RBM25: variants seen among roughly 807,000 people sequenced by gnomAD.
The protein encoded by RBM25 is RNA-binding protein 25.
A neutral mutation model predicts 120.7 loss-of-function variants in RBM25; 19 were observed. The observed-to-expected ratio is 0.16, with a 90% CI of 0.11 to 0.23. The LOEUF is 0.23. RBM25 is among the 10% of genes least tolerant of loss of function. The pLI, the probability that RBM25 is intolerant of heterozygous loss-of-function variation, is 1.00. For synonymous variants in RBM25, 390 were observed against 326.7 expected (o/e 1.19, Z -2.09); for missense variants, 605 against 1,041.5 (o/e 0.58, Z 5.77).
intron 2 of RBM25, among the ~76,000 whole-genome samples, chr14:73,075,784 C>T (rs542619327): frequency 1.7e-4 from 25 of 151,352 alleles, no homozygotes; most frequent in African/African-American, 6.0e-4. Context: ...TGTTGCACGA[C>T]GTGTTTTACC....
chr14:73,070,441 T>C (rs1026451022), intron 1 of RBM25, among the ~76,000 whole-genome samples: 2 of 828 alleles, frequency 2.4e-3, no homozygotes, highest in African/African-American at 3.3e-3. Flanking sequence ...ACTTTTAAGT[T>C]TAAAAAAAAA....
chr14:73,092,621 G>T (rs928836934), intron 6 of RBM25, among the ~76,000 whole-genome samples: 5 of 147,376 alleles, frequency 3.4e-5, no homozygotes, highest in Non-Finnish European at 5.9e-5. Flanking sequence ...TGTTCACCAC[G>T]TGCAGGTTTG....
intron 6 of RBM25, among the ~76,000 whole-genome samples, chr14:73,094,263 G>T (rs1163273549): frequency 1.3e-5 from 2 of 150,764 alleles, no homozygotes; most frequent in African/African-American, 2.4e-5. Flanking sequence ...TAGGTTTTTT[G>T]TTGTTGTTGT....
intron 2 of RBM25, 102 bp downstream of exon 2, chr14:73,071,849 G>A: frequency 1.1e-6 from 1 of 886,158 alleles, no homozygotes; most frequent in Non-Finnish European, 1.8e-6. Flanking sequence ...TAGTGAAGAT[G>A]CCTCTCAGCG....
intron 1 of RBM25, among the ~76,000 whole-genome samples, chr14:73,059,635 G>A (rs1894952759): frequency 6.6e-6 from 1 of 152,028 alleles, no homozygotes; most frequent in Non-Finnish European, 1.5e-5. Flanking sequence ...ATTAGGCCGT[G>A]GGCAGTAATG....
intron 6 of RBM25, among the ~76,000 whole-genome samples, chr14:73,096,288 G>C (rs1331450189): frequency 6.6e-6 from 1 of 152,000 alleles, no homozygotes. Flanking sequence ...GAAAATTATT[G>C]ATAAAGACCT....
At chr14:73,074,136 G>A (rs534444925) in intron 2 of RBM25, among the ~76,000 whole-genome samples, 1 of 152,218 alleles carries the variant, frequency 6.6e-6, no homozygotes, top group South Asian at 2.1e-4. Context: ...TTTCATTTGG[G>A]CTTCAGTTTT....
chr14:73,081,357 C>T (rs190861382), intron 4 of RBM25, among the ~76,000 whole-genome samples: 6 of 152,128 alleles, frequency 3.9e-5, no homozygotes, highest in African/African-American at 7.2e-5. Context: ...AGACTGGTCT[C>T]GAACTTTTGA....
intron 10 of RBM25, among the ~76,000 whole-genome samples, chr14:73,105,347 A>G (rs969068037): frequency 6.6e-6 from 1 of 152,154 alleles, no homozygotes; most frequent in African/African-American, 2.4e-5. Flanking sequence ...TAAATATTTG[A>G]GAACTTTCAG....
At chr14:73,114,580 G>C (rs538412232) in intron 18 of RBM25, among the ~76,000 whole-genome samples, 11 of 152,122 alleles carry the variant, frequency 7.2e-5, no homozygotes, top group Non-Finnish European at 1.3e-4. Context: ...TTTTGAATTT[G>C]ATTCACTTCC....
chr14:73,119,561 G>C, intron 18 of RBM25, 152 bp from the exon 19 acceptor site: 1 of 1,367,186 alleles, frequency 7.3e-7, no homozygotes, highest in Non-Finnish European at 9.7e-7. Flanking sequence ...CACCACACCC[G>C]GCCACTAAAA....
intron 5 of RBM25, among the ~76,000 whole-genome samples, chr14:73,085,264 G>A (rs896864605): frequency 2.6e-5 from 4 of 151,972 alleles, no homozygotes; most frequent in Non-Finnish European, 5.9e-5. Context: ...TGATCTGCCC[G>A]CCTTGGCCTC....
intron 6 of RBM25, 117 bp from the exon 7 acceptor site, chr14:73,096,798 A>T: frequency 2.5e-6 from 2 of 794,482 alleles, no homozygotes; most frequent in Non-Finnish European, 4.0e-6. Context: ...TTCTGTGTTT[A>T]ATAGGACTAC....
Position 73,111,153 on chromosome 14 carries a change from T to C in RBM25, c.2015T>C (p.Leu672Pro). 6.3e-7 allele frequency: 1 copy of C among 1,596,814 alleles called. No individual in the cohort carries two copies. Residue 672 changes from leucine to proline, a missense_variant and splice_region_variant, in exon 15 of 19, where the codon CTG becomes CCG. By Grantham distance (98) the Leu-to-Pro change is moderately conservative. Transcript: ENST00000261973. The part of the protein sequence containing the change: ...HRPKIGLSLK[L>P]GASNSPGQPN... ...CCAAAAATAGGACTAAGTCTTAAAC[T>C]GGGTACGTTAGCATTTCCTTCCTTC...
At chr14:73,116,997 T>C (rs1170912381) in intron 18 of RBM25, among the ~76,000 whole-genome samples, 1 of 152,028 alleles carries the variant, frequency 6.6e-6, no homozygotes, top group African/African-American at 2.4e-5. Flanking sequence ...ATATTATACC[T>C]TTTTCATTTT....
chr14:73,118,894 G>A (rs59503330), intron 18 of RBM25, among the ~76,000 whole-genome samples: 1,760 of 151,804 alleles, frequency 0.012, 31 homozygotes, highest in African/African-American at 0.038. Flanking sequence ...TCAGCCTCCC[G>A]AGTAGCTGGG....
chr14:73,113,866 A>G (rs911430401), intron 17 of RBM25, among the ~76,000 whole-genome samples: 2 of 152,170 alleles, frequency 1.3e-5, no homozygotes, highest in African/African-American at 4.8e-5. Flanking sequence ...TTAACCACTA[A>G]GGTATATCTT....
chr14:73,095,379 C>T (rs1036693969), intron 6 of RBM25, among the ~76,000 whole-genome samples: 2 of 151,528 alleles, frequency 1.3e-5, no homozygotes, highest in African/African-American at 2.4e-5. Context: ...CTGAGGCGGG[C>T]GGATCATGAG....
intron 9 of RBM25, chr14:73,102,097 A>G (rs1896068160): frequency 6.6e-6 from 1 of 152,216 alleles, no homozygotes; most frequent in Non-Finnish European, 1.5e-5. Flanking sequence ...ATTGCTTTTT[A>G]AAGTTGTTTT....
Sources: gnomAD v4.1 joint callset for allele counts (sites outside exome capture counted in the v4.1 genomes callset) on GRCh38, gnomAD v4.1.1 for gene constraint, MANE v1.5 for transcripts, NCBI Gene and HGNC (gene_info 2026-07-23, HGNC 2026-07-21) for gene names.